PHACTR1: variants seen among roughly 807,000 people sequenced by gnomAD.
The protein encoded by PHACTR1 is RPEL repeat containing 1.
Under a neutral mutation model 69.2 loss-of-function variants are expected in PHACTR1, and 16 were observed. That is an observed-to-expected ratio of 0.23 (90% CI 0.16 to 0.35). The LOEUF (loss-of-function observed/expected upper bound fraction) is 0.35. PHACTR1 is among the 10% of genes least tolerant of loss of function. The pLI, the probability that PHACTR1 is intolerant of heterozygous loss-of-function variation, is 1.00. For synonymous variants in PHACTR1, 312 were observed against 284.5 expected (o/e 1.10, Z -0.97); for missense variants, 510 against 734.7 (o/e 0.69, Z 3.54).
intron 4 of PHACTR1, among the ~76,000 whole-genome samples, chr6:12,791,834 C>T (rs552571276): frequency 6.9e-4 from 105 of 152,172 alleles, no homozygotes; most frequent in African/African-American, 2.4e-3. Context: ...ATGAATAAGA[C>T]AGAAAAAAAT....
chr6:12,876,768 G>A (rs1235922107), intron 4 of PHACTR1, among the ~76,000 whole-genome samples: 3 of 152,178 alleles, frequency 2.0e-5, no homozygotes, highest in Non-Finnish European at 4.4e-5. Context: ...GATATAGGTA[G>A]GTTTATTATG....
intron 4 of PHACTR1, among the ~76,000 whole-genome samples, chr6:12,955,212 T>TTTTTTTTTTTTTTTTTGTG (rs1491549134): frequency 7.0e-6 from 1 of 143,414 alleles, no homozygotes; most frequent in African/African-American, 2.8e-5. Flanking sequence ...TTTTTTTTTT[T>TTTTTTTTTTTTTTTTTGTG]GAGAGAGATA....
chr6:12,884,900 A>G (rs1215023644), intron 4 of PHACTR1, among the ~76,000 whole-genome samples: 2 of 152,188 alleles, frequency 1.3e-5, no homozygotes, highest in East Asian at 3.9e-4. Flanking sequence ...ATAAATAAAC[A>G]CTTACAAGAT....
At chr6:12,897,897 A>T (rs1409348363) in intron 4 of PHACTR1, among the ~76,000 whole-genome samples, 1 of 151,904 alleles carries the variant, frequency 6.6e-6, no homozygotes, top group African/African-American at 2.4e-5. Flanking sequence ...CTGGTGCGTG[A>T]TGTTCCCCTC....
chr6:12,871,506 A>C (rs1782024618), intron 4 of PHACTR1, among the ~76,000 whole-genome samples: 1 of 152,168 alleles, frequency 6.6e-6, no homozygotes, highest in Non-Finnish European at 1.5e-5. Context: ...TTTAATCTGC[A>C]GCATTTCCTG....
intron 4 of PHACTR1, among the ~76,000 whole-genome samples, chr6:12,768,331 C>G (rs982834064): frequency 4.6e-5 from 7 of 151,946 alleles, no homozygotes; most frequent in Admixed American, 6.6e-5. Flanking sequence ...AGACAGGATG[C>G]TCTCAATCTC....
chr6:13,200,195 T>C (rs912054481), intron 7 of PHACTR1, among the ~76,000 whole-genome samples: 1 of 151,602 alleles, frequency 6.6e-6, no homozygotes, highest in African/African-American at 2.4e-5. Context: ...GCTCCTTGTA[T>C]ATGCTGAGCA....
intron 4 of PHACTR1, among the ~76,000 whole-genome samples, chr6:12,850,224 T>G (rs1488813373): frequency 6.6e-6 from 1 of 152,228 alleles, no homozygotes; most frequent in East Asian, 1.9e-4. Context: ...CCGTCACAAC[T>G]TCCAAGAAGC....
intron 4 of PHACTR1, among the ~76,000 whole-genome samples, chr6:12,775,075 G>A (rs910273764): frequency 9.9e-5 from 15 of 152,274 alleles, no homozygotes; most frequent in African/African-American, 2.6e-4. Flanking sequence ...GTCCTGTGAA[G>A]AGGGTGAGCA....
At chr6:12,734,955 C>T (rs762465530) in intron 3 of PHACTR1, among the ~76,000 whole-genome samples, 3 of 152,172 alleles carry the variant, frequency 2.0e-5, no homozygotes, top group Admixed American at 6.5e-5. Flanking sequence ...ACAGTTATTA[C>T]TTTTCTATTG....
intron 5 of PHACTR1, among the ~76,000 whole-genome samples, chr6:13,076,043 T>C (rs1367820579): frequency 1.9e-4 from 29 of 151,524 alleles, no homozygotes; most frequent in Admixed American, 1.8e-3. Context: ...TTTTTTTTTT[T>C]CTGGTTGGCT....
chr6:13,103,725 T>G (rs1306489358), intron 5 of PHACTR1, among the ~76,000 whole-genome samples: 1 of 152,242 alleles, frequency 6.6e-6, no homozygotes, highest in Admixed American at 6.5e-5. Flanking sequence ...AAAACCATAG[T>G]AAAGTGATCA....
chr6:13,095,996 A>T (rs892270648), intron 5 of PHACTR1, among the ~76,000 whole-genome samples: 1 of 152,084 alleles, frequency 6.6e-6, no homozygotes, highest in Non-Finnish European at 1.5e-5. Context: ...GCTTTCCAGT[A>T]GTTAGAGTCT....
At chr6:13,211,233 A>T (rs1385667248) in intron 8 of PHACTR1, among the ~76,000 whole-genome samples, 1 of 152,038 alleles carries the variant, frequency 6.6e-6, no homozygotes, top group Non-Finnish European at 1.5e-5. Context: ...AGCAGTGTAC[A>T]CTGTACCCAG....
At chr6:12,913,392 G>A (rs13207329) in intron 4 of PHACTR1, among the ~76,000 whole-genome samples, 2,651 of 152,314 alleles carry the variant, frequency 0.017, 46 homozygotes, top group Non-Finnish European at 0.026. Context: ...ATGACAGTTA[G>A]GCACTGGGCA....
intron 5 of PHACTR1, among the ~76,000 whole-genome samples, chr6:13,156,949 G>A (rs556473148): frequency 6.6e-6 from 1 of 152,278 alleles, no homozygotes; most frequent in Admixed American, 6.5e-5. Context: ...CTAGATGCCT[G>A]TAATCACCTA....
intron 4 of PHACTR1, among the ~76,000 whole-genome samples, chr6:12,935,698 C>A (rs1789369586): frequency 6.6e-6 from 1 of 151,960 alleles, no homozygotes; most frequent in Admixed American, 6.6e-5. Flanking sequence ...GGTAGGGGAG[C>A]AGTAACCTGG....
chr6:12,814,341 G>C (rs115026013), intron 4 of PHACTR1, among the ~76,000 whole-genome samples: 1 of 152,178 alleles, frequency 6.6e-6, no homozygotes, highest in Non-Finnish European at 1.5e-5. Flanking sequence ...TCAATGTCCC[G>C]ATCTTCATTA....
intron 8 of PHACTR1, among the ~76,000 whole-genome samples, chr6:13,214,857 A>G (rs1253960213): frequency 6.6e-6 from 1 of 152,210 alleles, no homozygotes; most frequent in African/African-American, 2.4e-5. Context: ...ATTTTTAATG[A>G]TGCCTTCTTT....
Sources: gnomAD v4.1 joint callset for allele counts (sites outside exome capture counted in the v4.1 genomes callset) on GRCh38, gnomAD v4.1.1 for gene constraint, MANE v1.5 for transcripts, NCBI Gene and HGNC (gene_info 2026-07-23, HGNC 2026-07-21) for gene names.